The following LIF variants were observed in gnomAD, a reference collection of about 807,000 sequenced individuals.
LIF encodes LIF interleukin 6 family cytokine.
In LIF, 9 loss-of-function variants were observed where a neutral mutation model predicts 15.0. That is an observed-to-expected ratio of 0.60 (90% CI 0.36 to 1.04). The LOEUF (loss-of-function observed/expected upper bound fraction) is 1.04, where lower values mean the gene tolerates loss of function less well. Ranked by LOEUF, LIF falls within the 50% of genes least tolerant of loss-of-function variation. The pLI is 0.01. For missense variants in LIF, 240 were observed against 266.7 expected (o/e 0.90, Z 0.70); for synonymous variants, 122 against 119.7 (o/e 1.02, Z -0.13).
rs1346972497 is a variant in LIF at position 30,246,667 on chromosome 22, G to A, written c.19+10C>T. 3 of 1,556,386 alleles carry A rather than the reference G, an allele frequency of 1.9e-6. No individual in the cohort carries two copies. The highest frequency in any genetic ancestry group is 1.2e-5 in the South Asian group (1 of 84,574). ...GGGACGCGAAGCCGGCGCGGGGCGG[G>A]TGTATTTACCTGCCGCCAAGACCTT... On this transcript the variant is annotated intron_variant, in intron 1 of 2. Transcript: ENST00000249075.
intron 2 of LIF, among the ~76,000 whole-genome samples, chr22:30,244,398 G>A (rs1311079400): frequency 2.0e-5 from 3 of 152,012 alleles, no homozygotes; most frequent in Non-Finnish European, 4.4e-5. Context: ...GTTCCGGGAC[G>A]CCCCTCCATG....
At chr22:30,244,608 G>A (rs550993047) in intron 2 of LIF, 147 bp downstream of exon 2, 1 of 772,274 alleles carries the variant, frequency 1.3e-6, no homozygotes, top group East Asian at 2.7e-5. Context: ...GAAGTGGCGG[G>A]AGTCTGGGGG....
rs1301948542 is a variant in LIF at position 30,242,724 on chromosome 22, C to G, written c.*927G>C. 2.6e-5 allele frequency: 4 copies of G among 152,644 alleles called. No individual in the cohort carries two copies. The highest frequency in any genetic ancestry group is 2.6e-4 in the Admixed American group (4 of 15,276). 9.5% of individuals were successfully genotyped at this position (152,644 alleles called of 1,614,324 possible). Reference sequence around the variant, plus strand: ...TCCCCCTCAAGTACCTCTGTGTGACCTCACAAGGCCTCCCAGGGCCTCAGA... The same window carrying G: ...TCCCCCTCAAGTACCTCTGTGTGACGTCACAAGGCCTCCCAGGGCCTCAGA... On this transcript the variant is annotated 3_prime_UTR_variant, in exon 3 of 3. Coordinates refer to ENST00000249075, the MANE Select transcript of LIF (RefSeq NM_002309.5).
chr22:30,244,278 CATT>C (rs1420149795), intron 2 of LIF, among the ~76,000 whole-genome samples: 1 of 152,138 alleles, frequency 6.6e-6, no homozygotes, highest in Non-Finnish European at 1.5e-5. Flanking sequence ...ACGCAGTCAT[CATT>C]ATCATCATCA....
At chr22:30,245,126 T>C (rs1020859703) in intron 1 of LIF, among the ~76,000 whole-genome samples, 193 bp from the exon 2 acceptor site, 7 of 152,220 alleles carry the variant, frequency 4.6e-5, no homozygotes, top group Admixed American at 2.0e-4. Context: ...TCCCTTTCTC[T>C]ACCTTAGTTC....
chr22:30,244,162 G>T, intron 2 of LIF, 101 bp from the exon 3 acceptor site: 3 of 1,149,806 alleles, frequency 2.6e-6, no homozygotes, highest in Non-Finnish European at 3.7e-6. Flanking sequence ...CCCATCTAGC[G>T]CATGAGGACC....
At position 30,243,544 on chromosome 22, in the gene LIF, A is replaced by C; in HGVS notation, c.*107T>G. 1.4e-6 allele frequency: 2 copies of C among 1,427,724 alleles called. No individual in the cohort carries two copies. Among genetic ancestry groups the C allele is most frequent in the African/African-American group, 1.4e-5 (1 of 71,384 alleles). 88.4% of individuals were successfully genotyped at this position (1,427,724 alleles called of 1,614,324 possible). A position where few individuals can be genotyped will look rare whatever the true frequency, so the allele number is the denominator to read the frequency against. On this transcript the variant is annotated 3_prime_UTR_variant, in exon 3 of 3. Transcript: ENST00000249075. This position sits in a 1 kb window ranked among gnomAD's most constrained non-coding sequence, Gnocchi z 6.0. ...CCCTCGGGGTCTGCCAGCAGCCCCC[A>C]TTTGGGTTTAGCGATGCCCTGGGCC...
intron 1 of LIF, among the ~76,000 whole-genome samples, chr22:30,245,584 A>G (rs1468571604): frequency 6.8e-6 from 1 of 147,974 alleles, no homozygotes; most frequent in African/African-American, 2.5e-5. Flanking sequence ...AGTGTCCCCT[A>G]TCTCACTCAA....
chr22:30,244,847 T>A lies in LIF; in HGVS notation c.106A>T (p.Ile36Leu), dbSNP rs201642357. 1 of 1,614,210 alleles carries A rather than the reference T, an allele frequency of 6.2e-7. No homozygotes were observed. The change falls in exon 2 of 3, where the codon ATA (isoleucine) becomes TTA (leucine). Residue 36 changes from isoleucine to leucine, a missense_variant. Physicochemically the swap from Ile to Leu is conservative, Grantham distance 5. Transcript: ENST00000249075. ...AGGTTGTTGTGACATGGGTGGCGTA[T>A]GGCACAGGTGGCGTTGACAGGGGTG... ...PITPVNATCAIRHPCHNNLMN... is the reference protein window; with the variant it reads ...PITPVNATCALRHPCHNNLMN...
In LIF at chr22:30,243,606, A is replaced by C. The variant is rs754763059; in HGVS notation, c.*45T>G. ...TGGACAGGCCCCCACATCTGGACCC[A>C]ACTCCTGAGATCCCTCGGTTCACAG... is the stretch of plus-strand genomic sequence containing the variant. On this transcript the variant is annotated 3_prime_UTR_variant, in exon 3 of 3. Transcript: ENST00000249075. This position sits in a 1 kb window ranked among gnomAD's most constrained non-coding sequence, Gnocchi z 6.0. The C allele has an allele frequency of 4.5e-5, 72 of 1,613,192 alleles. No homozygotes were observed. The highest frequency in any genetic ancestry group is 3.3e-4 in the Middle Eastern group (2 of 6,084).
chr22:30,243,456 G>A lies in LIF; in HGVS notation c.*195C>T. The A allele has an allele frequency of 3.1e-6, 2 of 648,280 alleles. No homozygotes were observed. Among genetic ancestry groups the A allele is most frequent in the South Asian group, 3.6e-5 (2 of 54,914 alleles). The allele number at this position is 648,280 out of a possible 1,614,324, so 40.2% of individuals were successfully genotyped here. On this transcript the variant is annotated 3_prime_UTR_variant, in exon 3 of 3. Transcript: ENST00000249075. The surrounding 1 kb of genome is among the most constrained non-coding windows in gnomAD (Gnocchi z 6.0). ...ACCTTCTTCTAGCTCCCTCCCTATGGAAGTTTCCACTCTGCTCAGCTTCAT... is the reference window on the plus strand; with the variant it reads ...ACCTTCTTCTAGCTCCCTCCCTATGAAAGTTTCCACTCTGCTCAGCTTCAT...
At chr22:30,246,443 A>T in intron 1 of LIF, 1 of 1,204,808 alleles carries the variant, frequency 8.3e-7, no homozygotes, top group Non-Finnish European at 1.0e-6. Context: ...GAGGAGGAGG[A>T]AGGCTCGGCG....
chr22:30,245,447 G>C (rs1160965008), intron 1 of LIF, among the ~76,000 whole-genome samples: 2 of 152,206 alleles, frequency 1.3e-5, no homozygotes, highest in African/African-American at 4.8e-5. Flanking sequence ...CGGGGCATGG[G>C]GGAGTGGGGA....
In LIF at chr22:30,242,327, TGGGG is replaced by T. The variant is rs3067163; in HGVS notation, c.*1320_*1323del. The T allele has an allele frequency of 0.27, 41,293 of 150,238 alleles. 6,497 individuals are homozygous for T. The highest frequency in any genetic ancestry group is 0.46 in the South Asian group (2,178 of 4,762). 9.3% of individuals were successfully genotyped at this position (150,238 alleles called of 1,614,324 possible). On this transcript the variant is annotated 3_prime_UTR_variant, in exon 3 of 3. Transcript: ENST00000249075. ...CCCTAAAGCAAGTCACAGTAGGGGA[TGGGG>T]GGGGGTGGAGCAAGGCCCCCCACTC... is the stretch of plus-strand genomic sequence containing the variant.
chr22:30,244,620 G>A, intron 2 of LIF, 135 bp downstream of exon 2: 1 of 840,752 alleles, frequency 1.2e-6, no homozygotes, highest in Non-Finnish European at 2.0e-6. Context: ...GTCTGGGGGT[G>A]GTTTAATCAA....
Position 30,240,783 on chromosome 22 carries a change from G to C in LIF, c.*2868C>G, listed in dbSNP as rs111876632. On this transcript the variant is annotated 3_prime_UTR_variant, in exon 3 of 3. Coordinates refer to ENST00000249075, the MANE Select transcript of LIF (RefSeq NM_002309.5). The stretch of plus-strand genomic sequence containing the variant: ...ACATCTGTACCATCTGCAGGGAAAT[G>C]CTACCTCCCCGGGTGCCAGAGCTCC... 6.6e-6 allele frequency: 1 copy of C among 152,464 alleles called. No individual in the cohort carries two copies. The highest frequency in any genetic ancestry group is 2.4e-5 in the African/African-American group (1 of 41,406). 9.4% of individuals were successfully genotyped at this position (152,464 alleles called of 1,614,324 possible). A position where few individuals can be genotyped will look rare whatever the true frequency, so the allele number is the denominator to read the frequency against.
intron 1 of LIF, among the ~76,000 whole-genome samples, chr22:30,245,673 G>A (rs1157622065): frequency 5.9e-5 from 9 of 152,038 alleles, no homozygotes; most frequent in East Asian, 3.9e-4. Context: ...CCCCAGCTCC[G>A]GACAGCCCCT....
rs1345082216 is a variant in LIF, at chr22:30,244,833, A to ACATGGGTGGCGTATGG, written c.104_119dup (p.Asn42ThrfsTer113). 6.2e-7 allele frequency: 1 copy of ACATGGGTGGCGTATGG among 1,614,172 alleles called. No individual in the cohort carries two copies. Among genetic ancestry groups the ACATGGGTGGCGTATGG allele is most frequent in the East Asian group, 2.2e-5 (1 of 44,878 alleles). On this transcript the variant is annotated frameshift_variant, in exon 2 of 3. Coordinates refer to ENST00000249075, the MANE Select transcript of LIF (RefSeq NM_002309.5). LOFTEE classifies it high-confidence loss of function. ...TGATCTGGTTCATGAGGTTGTTGTG[A>ACATGGGTGGCGTATGG]CATGGGTGGCGTATGGCACAGGTGG... is the stretch of plus-strand genomic sequence containing the variant.
chr22:30,243,846 G>A lies in LIF; in HGVS notation c.414C>T (p.Asn138=), dbSNP rs202240391. ...GGCCTCGCAGGATGTCGGCGGTGGC[G>A]TTGAGCTTGCTGTGGAGGCTGAGGG... ...PSALSLHSKL[N]ATADILRGLL... The change falls in exon 3 of 3, where the codon AAC becomes AAT. Residue 138 remains asparagine (N), a synonymous_variant. Coordinates refer to ENST00000249075, the MANE Select transcript of LIF (RefSeq NM_002309.5). The surrounding 1 kb of genome is among the most constrained non-coding windows in gnomAD (Gnocchi z 6.0). 26 of 1,614,234 alleles carry A rather than the reference G, an allele frequency of 1.6e-5. No homozygotes were observed. The highest frequency in any genetic ancestry group is 5.3e-5 in the African/African-American group (4 of 75,058).
Sources: allele counts gnomAD v4.1 joint callset (sites outside exome capture counted in the v4.1 genomes callset), GRCh38; gene constraint gnomAD v4.1.1; non-coding constraint Gnocchi (gnomAD v3.1); transcripts MANE v1.5; gene names NCBI Gene and HGNC (gene_info 2026-07-23, HGNC 2026-07-21).